The following FAF1 variants were observed in gnomAD, a reference collection of about 807,000 sequenced individuals.
FAF1 encodes the protein FAS-associated factor 1.
A neutral mutation model predicts 92.5 loss-of-function variants in FAF1; 25 were observed. The ratio of observed to expected loss-of-function variants is 0.27; its 90% CI spans 0.20 to 0.38. The LOEUF is 0.38. Among genes scored for constraint, FAF1 ranks in the 10% least tolerant of loss-of-function variants. FAF1 has a pLI of 1.00. For synonymous variants in FAF1, 234 were observed against 273.2 expected (o/e 0.86, Z 1.42); for missense variants, 636 against 793.3 (o/e 0.80, Z 2.38).
At chr1:50,852,861 G>A (rs1400608981) in intron 2 of FAF1, among the ~76,000 whole-genome samples, 1 of 152,110 alleles carries the variant, frequency 6.6e-6, no homozygotes, top group Non-Finnish European at 1.5e-5. Context: ...AATTAAAGAA[G>A]AGACAATAGA....
intron 6 of FAF1, among the ~76,000 whole-genome samples, chr1:50,713,565 C>T (rs1001836052): frequency 5.3e-5 from 8 of 151,936 alleles, no homozygotes; most frequent in African/African-American, 9.7e-5. Flanking sequence ...TGAGCCATCG[C>T]GTCCGGCCAA....
chr1:50,581,801 G>C (rs1650996126), intron 12 of FAF1, among the ~76,000 whole-genome samples: 1 of 152,098 alleles, frequency 6.6e-6, no homozygotes, highest in Non-Finnish European at 1.5e-5. Flanking sequence ...GTAAGATTAT[G>C]GGGCAATACA....
chr1:50,604,134 T>C (rs1463149807), intron 8 of FAF1, among the ~76,000 whole-genome samples: 1 of 152,188 alleles, frequency 6.6e-6, no homozygotes, highest in Non-Finnish European at 1.5e-5. Context: ...AGATACTAGA[T>C]TTGGAAGAGT....
intron 7 of FAF1, among the ~76,000 whole-genome samples, chr1:50,658,925 A>G (rs1285651147): frequency 6.6e-6 from 1 of 152,236 alleles, no homozygotes; most frequent in African/African-American, 2.4e-5. Flanking sequence ...TTACCAGTAT[A>G]TGGATGAAGC....
At chr1:50,666,919 T>C (rs1362783649) in intron 7 of FAF1, among the ~76,000 whole-genome samples, 1 of 152,014 alleles carries the variant, frequency 6.6e-6, no homozygotes, top group African/African-American at 2.4e-5. Flanking sequence ...ACTAGTAACA[T>C]GTGATCAACT....
intron 8 of FAF1, among the ~76,000 whole-genome samples, chr1:50,640,295 GTT>G (rs937840700): frequency 2.1e-5 from 3 of 142,040 alleles, no homozygotes; most frequent in Non-Finnish European, 1.5e-5. Context: ...GTTGTGGCAA[GTT>G]TTTTTTTTTT....
At chr1:50,803,300 T>C (rs555405068) in intron 2 of FAF1, among the ~76,000 whole-genome samples, 123 of 152,208 alleles carry the variant, frequency 8.1e-4, no homozygotes, top group African/African-American at 2.9e-3. Flanking sequence ...TTCAAATCTT[T>C]CAAAAAACAT....
intron 2 of FAF1, among the ~76,000 whole-genome samples, chr1:50,819,458 T>C (rs1029067934): frequency 3.1e-5 from 4 of 131,120 alleles, no homozygotes; most frequent in African/African-American, 8.7e-5. Context: ...GTAGAAAATT[T>C]AAAAATTAAA....
At chr1:50,930,662 C>T (rs1368227095) in intron 1 of FAF1, among the ~76,000 whole-genome samples, 1 of 152,104 alleles carries the variant, frequency 6.6e-6, no homozygotes, top group East Asian at 1.9e-4. Context: ...AGTGAAACCC[C>T]GTCTCTACTA....
At chr1:50,676,302 G>A (rs1290227992) in intron 7 of FAF1, among the ~76,000 whole-genome samples, 1 of 151,976 alleles carries the variant, frequency 6.6e-6, no homozygotes, top group Non-Finnish European at 1.5e-5. Context: ...AGCTACTCAG[G>A]AGGCTGAGGC....
At chr1:50,452,422 C>T (rs1432214553) in intron 18 of FAF1, among the ~76,000 whole-genome samples, 2 of 152,136 alleles carry the variant, frequency 1.3e-5, no homozygotes, top group African/African-American at 4.8e-5. Flanking sequence ...AACCTCAGAG[C>T]TGGGTTGCTT....
At chr1:50,741,927 AG>A (rs1249323049) in intron 5 of FAF1, among the ~76,000 whole-genome samples, 1 of 152,234 alleles carries the variant, frequency 6.6e-6, no homozygotes, top group Non-Finnish European at 1.5e-5. Context: ...AATTCAAAAA[AG>A]TATGAGCTGA....
At chr1:50,485,479 G>A (rs1646753776) in intron 17 of FAF1, among the ~76,000 whole-genome samples, 1 of 151,420 alleles carries the variant, frequency 6.6e-6, no homozygotes, top group South Asian at 2.1e-4. Flanking sequence ...TGGCTAACAC[G>A]GTGAAACCCC....
rs557145426 is a variant in FAF1, at chr1:50,875,759, A to T, written c.46-17762T>A. 6.2e-4 allele frequency among the ~76,000 whole-genome samples: 94 copies of T among 152,172 alleles called. 1 individual carries two copies. In the South Asian group the frequency reaches 0.017, roughly 28 times the overall value. ...GGCCACTGCACCCAGCCTCTAATAC[A>T]TACATTCTTATTAAGTACTGTCATC... On this transcript the variant is annotated intron_variant, in intron 1 of 18. Coordinates refer to ENST00000396153, the MANE Select transcript of FAF1 (RefSeq NM_007051.3).
chr1:50,655,793 T>C (rs1353125266), intron 7 of FAF1, among the ~76,000 whole-genome samples: 1 of 152,184 alleles, frequency 6.6e-6, no homozygotes, highest in Non-Finnish European at 1.5e-5. Context: ...ACTTCATTTC[T>C]TTTCAGTCAA....
chr1:50,935,462 G>T (rs948508974), intron 1 of FAF1, among the ~76,000 whole-genome samples: 1 of 150,164 alleles, frequency 6.7e-6, no homozygotes, highest in Non-Finnish European at 1.5e-5. Context: ...CCCCTGGCCT[G>T]ATTTACTCTC....
At chr1:50,477,142 A>G (rs1303333375) in intron 17 of FAF1, among the ~76,000 whole-genome samples, 1 of 152,228 alleles carries the variant, frequency 6.6e-6, no homozygotes, top group East Asian at 1.9e-4. Flanking sequence ...TCTAATACTG[A>G]ACTATTTTTT....
At chr1:50,592,050 G>T (rs575518628) in intron 9 of FAF1, among the ~76,000 whole-genome samples, 1 of 152,164 alleles carries the variant, frequency 6.6e-6, no homozygotes, top group East Asian at 1.9e-4. Flanking sequence ...CTACAGAGGG[G>T]AGAAAGACAA....
chr1:50,461,027 G>A (rs1646422335), intron 18 of FAF1, among the ~76,000 whole-genome samples: 1 of 152,168 alleles, frequency 6.6e-6, no homozygotes, highest in Non-Finnish European at 1.5e-5. Flanking sequence ...TGATGAAAAT[G>A]TGACGAGAGG....
Sources: allele counts gnomAD v4.1 joint callset (sites outside exome capture counted in the v4.1 genomes callset), GRCh38; gene constraint gnomAD v4.1.1; transcripts MANE v1.5; gene names NCBI Gene and HGNC (gene_info 2026-07-23, HGNC 2026-07-21).